VOPP1: variants seen among roughly 807,000 people sequenced by gnomAD.
VOPP1 encodes VOPP1 WW domain binding protein, also known as WW domain binding protein VOPP1.
In VOPP1, 8 loss-of-function variants were observed where a neutral mutation model predicts 23.5. That is an observed-to-expected ratio of 0.34 (90% CI 0.20 to 0.61). VOPP1 has a LOEUF of 0.61. VOPP1 is among the 20% of genes least tolerant of loss of function. VOPP1 has a pLI of 0.78. For synonymous variants in VOPP1, 83 were observed against 97.3 expected (o/e 0.85, Z 0.86); for missense variants, 174 against 238.1 (o/e 0.73, Z 1.77).
intron 4 of VOPP1, among the ~76,000 whole-genome samples, chr7:55,483,231 C>T (rs1335764098): frequency 6.6e-6 from 1 of 152,168 alleles, no homozygotes; most frequent in Non-Finnish European, 1.5e-5. Context: ...TGCTGAAATA[C>T]AGACCCTGAC....
At chr7:55,488,138 G>A (rs1457383287) in intron 4 of VOPP1, among the ~76,000 whole-genome samples, 2 of 152,198 alleles carry the variant, frequency 1.3e-5, no homozygotes, top group Non-Finnish European at 2.9e-5. Flanking sequence ...TGGGCATTTA[G>A]GGAGCTCTTT....
rs551430354 is a variant in VOPP1, at chr7:55,442,307, A to G, written n.418-6133T>C. On this transcript the variant is annotated intron_variant and non_coding_transcript_variant, in intron 4 of 4. Transcript: ENST00000462326. The stretch of plus-strand genomic sequence containing the variant: ...AGGATAAAAAATGGAACTAATCTAC[A>G]TTCTCCGAAGGGTGGAGGAAGACAG... Among the ~76,000 whole-genome samples the G allele has an allele frequency of 1.8e-4, 28 of 152,284 alleles. No individual in the cohort carries two copies. In the East Asian group the frequency reaches 5.4e-3, roughly 29 times the overall value.
chr7:55,551,318 T>A (rs1797597072), intron 1 of VOPP1, among the ~76,000 whole-genome samples: 1 of 152,214 alleles, frequency 6.6e-6, no homozygotes, highest in Non-Finnish European at 1.5e-5. Flanking sequence ...AGCAATGTCC[T>A]GGAATGTTAG....
Position 55,476,977 on chromosome 7 carries a change from C to G in VOPP1, c.329-3932G>C, listed in dbSNP as rs1792304642. 3.3e-5 allele frequency among the ~76,000 whole-genome samples: 5 copies of G among 152,366 alleles called. No homozygotes were observed. In the South Asian group the frequency reaches 8.3e-4, roughly 25 times the overall value. ...ACTGCCTGGATCCGGTCTGCCCTCT[C>G]TGGGCCCTCACTAGATAACATATCC... On this transcript the variant is annotated intron_variant, in intron 4 of 4. Coordinates refer to ENST00000285279, the MANE Select transcript of VOPP1 (RefSeq NM_030796.5).
In VOPP1 at chr7:55,549,444, C is replaced by G. The variant is rs1234628731; in HGVS notation, c.54+22827G>C. Reference sequence around the variant, plus strand: ...AGCCAGTCTGGAGTCTGGACAAAAGCTGAAGAACCAAGTGAACCTGAAACA... The same window carrying G: ...AGCCAGTCTGGAGTCTGGACAAAAGGTGAAGAACCAAGTGAACCTGAAACA... On this transcript the variant is annotated intron_variant, in intron 1 of 4. Coordinates refer to ENST00000285279, the MANE Select transcript of VOPP1 (RefSeq NM_030796.5). 2.6e-5 allele frequency among the ~76,000 whole-genome samples: 4 copies of G among 152,214 alleles called. No individual in the cohort carries two copies. The South Asian group carries it at 6.2e-4, about 24-fold the overall frequency.
At chr7:55,537,503 G>C in intron 1 of VOPP1, 1 of 1,536,116 alleles carries the variant, frequency 6.5e-7, no homozygotes, top group Non-Finnish European at 8.7e-7. Flanking sequence ...GCAAGCACCT[G>C]AGCATGTGAG....
chr7:55,550,765 C>T (rs150116630), intron 1 of VOPP1, among the ~76,000 whole-genome samples: 27 of 152,244 alleles, frequency 1.8e-4, no homozygotes, highest in African/African-American at 6.3e-4. Context: ...TATATGTTAA[C>T]GACCAGTGTA....
chr7:55,435,310 A>G (rs2128997679), downstream of VOPP1, among the ~76,000 whole-genome samples: 1 of 152,244 alleles, frequency 6.6e-6, no homozygotes, highest in East Asian at 1.9e-4. Flanking sequence ...CTGGGGGGTA[A>G]AGAAGTGTGT....
chr7:55,544,884 AATG>A lies in VOPP1; in HGVS notation c.55-23757_55-23755del, dbSNP rs1236327669. Among the ~76,000 whole-genome samples the A allele has an allele frequency of 3.9e-5, 6 of 152,384 alleles. No individual in the cohort carries two copies. The East Asian group carries it at 1.2e-3, about 29-fold the overall frequency. On this transcript the variant is annotated intron_variant, in intron 1 of 4. Transcript: ENST00000285279. ...ACAGTCAGCAAAACGTAGTCAAAAT[AATG>A]ATGATACTAAATGTGGATTTAACCA...
chr7:55,465,672 C>T (rs1791613903), downstream of VOPP1, among the ~76,000 whole-genome samples: 2 of 152,186 alleles, frequency 1.3e-5, no homozygotes, highest in South Asian at 2.1e-4. Context: ...TTCGTATAAA[C>T]AATAGGTAGT....
chr7:55,534,001 A>G (rs1418493379), intron 1 of VOPP1, among the ~76,000 whole-genome samples: 1 of 152,152 alleles, frequency 6.6e-6, no homozygotes, highest in Non-Finnish European at 1.5e-5. Context: ...TTTTCCACCC[A>G]AAACAACTCA....
chr7:55,494,052 C>T (rs1793768241), intron 3 of VOPP1, among the ~76,000 whole-genome samples: 1 of 151,886 alleles, frequency 6.6e-6, no homozygotes, highest in Admixed American at 6.6e-5. Context: ...GGTACTGGGG[C>T]CGGAGAAGGT....
intron 4 of VOPP1, among the ~76,000 whole-genome samples, chr7:55,481,611 A>T (rs1007088635): frequency 2.0e-5 from 3 of 152,198 alleles, no homozygotes; most frequent in African/African-American, 7.2e-5. Context: ...GACTCAATAC[A>T]TCATTTATGG....
chr7:55,463,757 G>A (rs532627995), intron 4 of VOPP1, among the ~76,000 whole-genome samples: 5 of 152,292 alleles, frequency 3.3e-5, no homozygotes, highest in African/African-American at 9.6e-5. Flanking sequence ...TGATCCCCAG[G>A]ACCCTGGATA....
intron 2 of VOPP1, among the ~76,000 whole-genome samples, chr7:55,518,198 A>G (rs1795596082): frequency 1.3e-5 from 2 of 152,190 alleles, no homozygotes; most frequent in African/African-American, 4.8e-5. Flanking sequence ...GCAGCTGACA[A>G]TGTCACAGAG....
intron 2 of VOPP1, among the ~76,000 whole-genome samples, chr7:55,516,504 T>C (rs1471109104): frequency 6.6e-6 from 1 of 152,182 alleles, no homozygotes; most frequent in East Asian, 1.9e-4. Context: ...CTACATTTCA[T>C]TAAAAGAGCT....
intron 4 of VOPP1, among the ~76,000 whole-genome samples, chr7:55,443,920 T>C (rs1481557056): frequency 6.6e-6 from 1 of 152,102 alleles, no homozygotes; most frequent in Non-Finnish European, 1.5e-5. Flanking sequence ...TGGGATTACA[T>C]GCATGAGCCA....
intron 1 of VOPP1, among the ~76,000 whole-genome samples, chr7:55,532,787 C>A (rs1281169920): frequency 5.3e-5 from 8 of 152,186 alleles, no homozygotes; most frequent in Non-Finnish European, 1.2e-4. Context: ...GCCACGTGTA[C>A]TCCTCTCATT....
chr7:55,486,241 C>T (rs995188232), intron 4 of VOPP1, among the ~76,000 whole-genome samples: 2 of 152,248 alleles, frequency 1.3e-5, no homozygotes, highest in Non-Finnish European at 2.9e-5. Flanking sequence ...TGCCTACCAA[C>T]AGGGCAGGCT....
Sources: gnomAD v4.1 joint callset for allele counts (sites outside exome capture counted in the v4.1 genomes callset) on GRCh38, gnomAD v4.1.1 for gene constraint, MANE v1.5 for transcripts, NCBI Gene and HGNC (gene_info 2026-07-23, HGNC 2026-07-21) for gene names.